The following NEUROD6 variants were observed in gnomAD, a reference collection of about 807,000 sequenced individuals.
The protein encoded by NEUROD6 is neurogenic differentiation factor 6.
A neutral mutation model predicts 24.1 loss-of-function variants in NEUROD6; 5 were observed. That is an observed-to-expected ratio of 0.21 (90% CI 0.11 to 0.44). The LOEUF (loss-of-function observed/expected upper bound fraction) is 0.44, where lower values mean the gene tolerates loss of function less well. Among genes scored for constraint, NEUROD6 ranks in the 20% least tolerant of loss-of-function variants. NEUROD6 has a pLI of 0.99. For synonymous variants in NEUROD6, 182 were observed against 154.1 expected, an observed-to-expected ratio of 1.18 and a Z score of -1.34; for missense variants, 325 against 409.5, an observed-to-expected ratio of 0.79 and a Z score of 1.78.
In NEUROD6 at chr7:31,340,695, T is replaced by C. The variant is rs1233752028; in HGVS notation, c.-124A>G. The C allele has an allele frequency of 6.6e-6, 1 of 152,644 alleles. No homozygotes were observed. The highest frequency in any genetic ancestry group is 1.5e-5 in the Non-Finnish European group (1 of 68,038). 9.5% of individuals were successfully genotyped at this position (152,644 alleles called of 1,614,324 possible). ...CTCCTGGAGTCTCTAGATCTGTGTA[T>C]ATCTGCACTATCTCATTGATCTCTA... is the stretch of plus-strand genomic sequence containing the variant. On this transcript the variant is annotated 5_prime_UTR_variant, in exon 1 of 2. In the 5' UTR this introduces an upstream ATG that the reference lacks. Transcript: ENST00000297142.
rs767428666 is a variant in NEUROD6, at chr7:31,339,188, G to T, written c.81C>A (p.Asp27Glu). 1.2e-6 allele frequency: 2 copies of T among 1,613,678 alleles called. No homozygotes were observed. The highest frequency in any genetic ancestry group is 1.7e-6 in the Non-Finnish European group (2 of 1,180,000). ...TTTCTGGCTTCTTAATTTGCTTCTG[G>T]TCCTCGCATTCTCTAGAAAACTTTC... ...MCRKFSRECE[D>E]QKQIKKPESF... The change falls in exon 2 of 2, where the codon GAC becomes GAA. Residue 27 changes from aspartate to glutamate, a missense_variant. Physicochemically the swap from Asp to Glu is conservative, Grantham distance 45 (BLOSUM62 2). Transcript: ENST00000297142.
chr7:31,338,033 A>G lies in NEUROD6; in HGVS notation c.*222T>C. The G allele has an allele frequency of 2.0e-6, 1 of 510,304 alleles. No homozygotes were observed. The highest frequency in any genetic ancestry group is 3.6e-5 in the South Asian group (1 of 27,744). The allele number at this position is 510,304 out of a possible 1,614,324, so 31.6% of individuals were successfully genotyped here. ...AAAAGAAAAAAATCTTTCCAGTAGA[A>G]ACAGAATCACAGTGCTTCACAGACA... On this transcript the variant is annotated 3_prime_UTR_variant, in exon 2 of 2. Coordinates refer to ENST00000297142, the MANE Select transcript of NEUROD6 (RefSeq NM_022728.4). This position sits in a 1 kb window ranked among gnomAD's most constrained non-coding sequence, Gnocchi z 5.1.
chr7:31,339,028 TC>T lies in NEUROD6; in HGVS notation c.240del (p.Lys83ArgfsTer35). On this transcript the variant is annotated frameshift_variant, in exon 2 of 2. Transcript: ENST00000297142. LOFTEE classifies it high-confidence loss of function. ...AATCGCAGCTTTGTTGTCTTTTTTTTCCTAAGACCCCTCCTTCTAGGCAACC... is the reference window on the plus strand; with the variant it reads ...AATCGCAGCTTTGTTGTCTTTTTTTTCTAAGACCCCTCCTTCTAGGCAACC... ...ENGLPRRRGL[R>X]KKKTTKLRLE... 1 of 1,614,152 alleles carries T rather than the reference TC, an allele frequency of 6.2e-7. No individual in the cohort carries two copies. Among genetic ancestry groups the T allele is most frequent in the Non-Finnish European group, 8.5e-7 (1 of 1,180,026 alleles).
intron 1 of NEUROD6, among the ~76,000 whole-genome samples, chr7:31,340,225 A>C (rs77384970): frequency 6.6e-6 from 1 of 152,158 alleles, no homozygotes; most frequent in African/African-American, 2.4e-5. Flanking sequence ...AGAATCCCAA[A>C]TGAAAGGGGA....
rs1584666118 is a variant in NEUROD6, at chr7:31,338,024, T to G, written c.*231A>C. ...AGAAAATTAAAAAGAAAAAAATCTT[T>G]CCAGTAGAAACAGAATCACAGTGCT... On this transcript the variant is annotated 3_prime_UTR_variant, in exon 2 of 2. Transcript: ENST00000297142. This position sits in a 1 kb window ranked among gnomAD's most constrained non-coding sequence, Gnocchi z 5.1. 3 of 489,672 alleles carry G rather than the reference T, an allele frequency of 6.1e-6. No homozygotes were observed. In the East Asian group the frequency reaches 9.5e-5, roughly 15 times the overall value. 30.3% of individuals were successfully genotyped at this position (489,672 alleles called of 1,614,324 possible).
rs1018689298 is a variant in NEUROD6 at position 31,337,692 on chromosome 7, G to A, written c.*563C>T. The A allele has an allele frequency of 2.0e-5, 3 of 152,566 alleles. No homozygotes were observed. Among genetic ancestry groups the A allele is most frequent in the Non-Finnish European group, 4.4e-5 (3 of 68,066 alleles). The allele number at this position is 152,566 out of a possible 1,614,324, so 9.5% of individuals were successfully genotyped here. A position where few individuals can be genotyped will look rare whatever the true frequency, so the allele number is the denominator to read the frequency against. ...ACTTGAAGAGGAATAGTTACCAATT[G>A]AATGCATTTAGATTCATCCTTAATA... On this transcript the variant is annotated 3_prime_UTR_variant, in exon 2 of 2. Transcript: ENST00000297142.
rs771706009 is a variant in NEUROD6 at position 31,338,308 on chromosome 7, G to A, written c.961C>T (p.Arg321Cys). The part of the protein sequence containing the change: ...DSHFPYDLHL[R>C]SQSLTMQDEL... ...TCTTGCATTGTGAGAGATTGGCTGCGCAGATGTAAGTCGTAAGGGAAGTGG... is the reference window on the plus strand; with the variant it reads ...TCTTGCATTGTGAGAGATTGGCTGCACAGATGTAAGTCGTAAGGGAAGTGG... Residue 321 changes from arginine to cysteine, a missense_variant, in exon 2 of 2, where the codon CGC becomes TGC. Physicochemically the swap from Arg to Cys is radical, Grantham distance 180. Around this residue, in one of 3 missense-constraint regions of NEUROD6, gnomAD observed 175 missense variants for 201.3 expected, o/e 0.87. Transcript: ENST00000297142. The surrounding 1 kb of genome is among the most constrained non-coding windows in gnomAD (Gnocchi z 5.1). 5.6e-6 allele frequency: 9 copies of A among 1,614,084 alleles called. No individual in the cohort carries two copies. Among genetic ancestry groups the A allele is most frequent in the East Asian group, 4.5e-5 (2 of 44,872 alleles).
chr7:31,339,867 C>T (rs996065048), intron 1 of NEUROD6, among the ~76,000 whole-genome samples: 2 of 152,024 alleles, frequency 1.3e-5, no homozygotes, highest in Non-Finnish European at 2.9e-5. Flanking sequence ...TAATCAGAGT[C>T]AATTTTTCAA....
rs1325536136 is a variant in NEUROD6 at position 31,337,749 on chromosome 7, G to A, written c.*506C>T. 1 of 152,678 alleles carries A rather than the reference G, an allele frequency of 6.5e-6. No individual in the cohort carries two copies. Among genetic ancestry groups the A allele is most frequent in the Non-Finnish European group, 1.5e-5 (1 of 68,166 alleles). The allele number at this position is 152,678 out of a possible 1,614,324, so 9.5% of individuals were successfully genotyped here. A position where few individuals can be genotyped will look rare whatever the true frequency, so the allele number is the denominator to read the frequency against. ...AAATTGCATAGCTTTTTATATTGTT[G>A]CAAATTCATCTCCCAATATCATTGT... On this transcript the variant is annotated 3_prime_UTR_variant, in exon 2 of 2. Transcript: ENST00000297142.
chr7:31,339,363 T>A (rs1783101152), intron 1 of NEUROD6, 74 bp from the exon 2 acceptor site: 2 of 1,181,524 alleles, frequency 1.7e-6, no homozygotes, highest in Non-Finnish European at 2.3e-6. Flanking sequence ...TATTTAATTA[T>A]TTAATCATAA....
chr7:31,339,796 T>G (rs1307725615), intron 1 of NEUROD6, among the ~76,000 whole-genome samples: 1 of 152,174 alleles, frequency 6.6e-6, no homozygotes, highest in African/African-American at 2.4e-5. Context: ...ATTTGCTGTA[T>G]CACACAACTG....
chr7:31,338,618 G>A lies in NEUROD6; in HGVS notation c.651C>T (p.Thr217=). 6.2e-7 allele frequency: 1 copy of A among 1,613,944 alleles called. No individual in the cohort carries two copies. Among genetic ancestry groups the A allele is most frequent in the Non-Finnish European group, 8.5e-7 (1 of 1,179,940 alleles). ...CAAGAGTCCCATGCCCTGGGGGAGT[G>A]GTGAGCTCAGGGCTGTGGTAGGGTG... ...FYPPYHSPEL[T]TPPGHGTLDN... is the part of the protein sequence containing the mutation. The change falls in exon 2 of 2, where the codon ACC becomes ACT. Residue 217 remains threonine, a synonymous_variant. Coordinates refer to ENST00000297142, the MANE Select transcript of NEUROD6 (RefSeq NM_022728.4). This position sits in a 1 kb window ranked among gnomAD's most constrained non-coding sequence, Gnocchi z 5.1.
chr7:31,339,144 A>G lies in NEUROD6; in HGVS notation c.125T>C (p.Val42Ala). ...KKPESFSKQIVLRGKSIKRAP... is the reference protein window; with the variant it reads ...KKPESFSKQIALRGKSIKRAP... ...CCTTTTGATGCTCTTTCCTCGAAGG[A>G]CAATCTGTTTGGAAAAGCTTTCTGG... The change falls in exon 2 of 2, where the codon GTC (valine) becomes GCC (alanine). Residue 42 changes from valine (V) to alanine (A), a missense_variant. Coordinates refer to ENST00000297142, the MANE Select transcript of NEUROD6 (RefSeq NM_022728.4). 4 of 1,613,866 alleles carry G rather than the reference A, an allele frequency of 2.5e-6. No homozygotes were observed. The highest frequency in any genetic ancestry group is 1.1e-5 in the South Asian group (1 of 91,062).
In NEUROD6 at chr7:31,338,062, G is replaced by A. The variant is rs1198506570; in HGVS notation, c.*193C>T. 3 of 564,784 alleles carry A rather than the reference G, an allele frequency of 5.3e-6. No homozygotes were observed. The highest frequency in any genetic ancestry group is 3.2e-5 in the Admixed American group (1 of 30,966). The allele number at this position is 564,784 out of a possible 1,614,324, so 35.0% of individuals were successfully genotyped here. ...GAATCACAGTGCTTCACAGACAAAAGGAAAGGAAAAGAAGTTCTCATACGA... is the reference window on the plus strand; with the variant it reads ...GAATCACAGTGCTTCACAGACAAAAAGAAAGGAAAAGAAGTTCTCATACGA... On this transcript the variant is annotated 3_prime_UTR_variant, in exon 2 of 2. Transcript: ENST00000297142. This position sits in a 1 kb window ranked among gnomAD's most constrained non-coding sequence, Gnocchi z 5.1.
At position 31,338,324 on chromosome 7, in the gene NEUROD6, A is replaced by T; in HGVS notation, c.945T>A (p.Pro315=). The T allele has an allele frequency of 6.2e-7, 1 of 1,614,196 alleles. No individual in the cohort carries two copies. The highest frequency in any genetic ancestry group is 8.5e-7 in the Non-Finnish European group (1 of 1,180,038). ...ATTGGCTGCGCAGATGTAAGTCGTA[A>T]GGGAAGTGGCTGTCGGTGGGCAACC... The part of the protein sequence containing the change: ...MFRLPTDSHF[P]YDLHLRSQSL... The change falls in exon 2 of 2, where the codon CCT becomes CCA. Residue 315 remains proline, a synonymous_variant. Coordinates refer to ENST00000297142, the MANE Select transcript of NEUROD6 (RefSeq NM_022728.4). The surrounding 1 kb of genome is among the most constrained non-coding windows in gnomAD (Gnocchi z 5.1).
Position 31,338,296 on chromosome 7 carries a change from G to A in NEUROD6, c.973C>T (p.Leu325Phe). The change falls in exon 2 of 2, where the codon CTC becomes TTC. Residue 325 changes from leucine (L) to phenylalanine (F), a missense_variant. By Grantham distance (22) the Leu-to-Phe change is conservative. This residue lies in a region of NEUROD6 where 175 missense variants were observed against 201.3 expected (regional missense o/e 0.87). Coordinates refer to ENST00000297142, the MANE Select transcript of NEUROD6 (RefSeq NM_022728.4). The surrounding 1 kb of genome is among the most constrained non-coding windows in gnomAD (Gnocchi z 5.1). ...GCATTTAATTCATCTTGCATTGTGAGAGATTGGCTGCGCAGATGTAAGTCG... is the reference window on the plus strand; with the variant it reads ...GCATTTAATTCATCTTGCATTGTGAAAGATTGGCTGCGCAGATGTAAGTCG... ...PYDLHLRSQSLTMQDELNAVF... is the reference protein window; with the variant it reads ...PYDLHLRSQSFTMQDELNAVF... 1.2e-6 allele frequency: 2 copies of A among 1,614,060 alleles called. No homozygotes were observed. The highest frequency in any genetic ancestry group is 1.1e-5 in the South Asian group (1 of 91,062).
In NEUROD6 at chr7:31,338,178, A is replaced by T; in HGVS notation, c.*77T>A. 8.3e-7 allele frequency: 1 copy of T among 1,204,526 alleles called. No individual in the cohort carries two copies. The highest frequency in any genetic ancestry group is 1.2e-6 in the Non-Finnish European group (1 of 847,910). 74.6% of individuals were successfully genotyped at this position (1,204,526 alleles called of 1,614,324 possible). On this transcript the variant is annotated 3_prime_UTR_variant, in exon 2 of 2. Coordinates refer to ENST00000297142, the MANE Select transcript of NEUROD6 (RefSeq NM_022728.4). The surrounding 1 kb of genome is among the most constrained non-coding windows in gnomAD (Gnocchi z 5.1). The stretch of plus-strand genomic sequence containing the variant: ...CACCTTAGATAGAGTTGTGCCAATT[A>T]CTCAGCCCACAAGCATCTGCTTTGT...
In NEUROD6 at chr7:31,338,810, G is replaced by T; in HGVS notation, c.459C>A (p.Gly153=). 1 of 1,614,120 alleles carries T rather than the reference G, an allele frequency of 6.2e-7. No individual in the cohort carries two copies. The change falls in exon 2 of 2, where the codon GGC becomes GGA. Residue 153 remains glycine, a synonymous_variant. Coordinates refer to ENST00000297142, the MANE Select transcript of NEUROD6 (RefSeq NM_022728.4). This position sits in a 1 kb window ranked among gnomAD's most constrained non-coding sequence, Gnocchi z 5.1. ...IWALSEILRI[G]KRPDLLTFVQ... is the part of the protein sequence containing the mutation. ...CGAATGTGAGCAGATCTGGTCTCTT[G>T]CCGATTCTCAGAATTTCAGAAAGTG...
chr7:31,339,351 C>T lies in NEUROD6; in HGVS notation c.-21-62G>A, dbSNP rs1783100924. 8 of 1,248,992 alleles carry T rather than the reference C, an allele frequency of 6.4e-6. No homozygotes were observed. In the East Asian group the frequency reaches 9.9e-5, roughly 16 times the overall value. The allele number at this position is 1,248,992 out of a possible 1,614,324, so 77.4% of individuals were successfully genotyped here. On this transcript the variant is annotated intron_variant, in intron 1 of 1. Coordinates refer to ENST00000297142, the MANE Select transcript of NEUROD6 (RefSeq NM_022728.4). Reference sequence around the variant, plus strand: ...ATTTTTAAAGTTTATACACTTAAAACATATTTAATTATTTAATCATAAGAT... The same window carrying T: ...ATTTTTAAAGTTTATACACTTAAAATATATTTAATTATTTAATCATAAGAT...
Sources: allele counts gnomAD v4.1 joint callset (sites outside exome capture counted in the v4.1 genomes callset), GRCh38; gene constraint gnomAD v4.1.1; regional missense constraint gnomAD v4.1.1; non-coding constraint Gnocchi (gnomAD v3.1); transcripts MANE v1.5; gene names NCBI Gene and HGNC (gene_info 2026-07-23, HGNC 2026-07-21).